CNTRL: variants seen among roughly 807,000 people sequenced by gnomAD.
CNTRL encodes centriolin, also known as 110 kDa centrosomal protein.
Under a neutral mutation model 303.7 loss-of-function variants are expected in CNTRL, and 233 were observed. The observed-to-expected ratio is 0.77, with a 90% CI of 0.69 to 0.86. The LOEUF (loss-of-function observed/expected upper bound fraction) is 0.86, where lower values mean the gene tolerates loss of function less well. Ranked by LOEUF, CNTRL falls within the 40% of genes least tolerant of loss-of-function variation. The pLI, the probability that CNTRL is intolerant of heterozygous loss-of-function variation, is 0.00. For missense variants in CNTRL, 2,524 were observed against 2,650.6 expected (o/e 0.95, Z 1.05); for synonymous variants, 900 against 922.2 (o/e 0.98, Z 0.44).
rs752947261 is a variant in CNTRL, at chr9:121,154,789, A to C, written c.4241A>C (p.His1414Pro). The change falls in exon 27 of 44, where the codon CAT becomes CCT. Residue 1414 changes from histidine to proline, a missense_variant. Physicochemically the swap from His to Pro is moderately conservative, Grantham distance 77. Transcript: ENST00000373855. ...GAAATAGAAAAATCACTCAAACATC[A>C]TGAAGATATTGTAGATGAAATTGAG... is the stretch of plus-strand genomic sequence containing the variant. ...ELEIEKSLKH[H>P]EDIVDEIECI... 1.2e-6 allele frequency: 2 copies of C among 1,612,052 alleles called. No homozygotes were observed. Among genetic ancestry groups the C allele is most frequent in the Non-Finnish European group, 1.7e-6 (2 of 1,178,080 alleles).
At chr9:121,149,345 T>C (rs546121635) in intron 24 of CNTRL, among the ~76,000 whole-genome samples, 28 of 152,306 alleles carry the variant, frequency 1.8e-4, no homozygotes, top group African/African-American at 6.0e-4. Flanking sequence ...AAACTGTTAA[T>C]CTGTAAAATG....
At chr9:121,133,258 A>C (rs111896309) in intron 14 of CNTRL, among the ~76,000 whole-genome samples, 8,892 of 152,310 alleles carry the variant, frequency 0.058, 590 homozygotes, top group East Asian at 0.19. Flanking sequence ...TGGAGTCTAC[A>C]TGTAGAGGCA....
rs942355055 is a variant in CNTRL at position 121,125,919 on chromosome 9, G to A, written c.2008G>A (p.Ala670Thr). The A allele has an allele frequency of 8.1e-6, 13 of 1,614,020 alleles. No homozygotes were observed. Among genetic ancestry groups the A allele is most frequent in the South Asian group, 1.1e-5 (1 of 91,078 alleles). ...CCAGCTGGAAATAGTTGCCATGGAT[G>A]CAGAAAATATGAGGAAGGTATGATT... Reference protein sequence around the residue: ...RDQLEIVAMDAENMRKELAEL... With the variant: ...RDQLEIVAMDTENMRKELAEL... The change falls in exon 14 of 44, where the codon GCA (alanine) becomes ACA (threonine). Residue 670 changes from alanine (A) to threonine (T), a missense_variant. Physicochemically the swap from Ala to Thr is moderately conservative, Grantham distance 58 (BLOSUM62 0). Coordinates refer to ENST00000373855, the MANE Select transcript of CNTRL (RefSeq NM_007018.6).
intron 7 of CNTRL, among the ~76,000 whole-genome samples, chr9:121,104,034 C>G (rs1314852310): frequency 6.6e-6 from 1 of 152,154 alleles, no homozygotes; most frequent in Admixed American, 6.5e-5. Context: ...GGTATATACC[C>G]AAAGGATTGT....
At chr9:121,122,916 C>T (rs1346263420) in intron 12 of CNTRL, among the ~76,000 whole-genome samples, 1 of 152,068 alleles carries the variant, frequency 6.6e-6, no homozygotes, top group Non-Finnish European at 1.5e-5. Context: ...TAGGGCCCTC[C>T]ATTTTGAGAC....
rs369770062 is a variant in CNTRL, at chr9:121,144,022, C to G, written c.2991C>G (p.Ala997=). 2.5e-6 allele frequency: 4 copies of G among 1,613,796 alleles called. No individual in the cohort carries two copies. In the African/African-American group the frequency reaches 5.3e-5, roughly 22 times the overall value. ...TAGCCACAGCTGAGCTCACCATTGC[C>G]AAAGACCAGCTGAAGTCCCTTCATG... is the stretch of plus-strand genomic sequence containing the variant. ...DKLATAELTI[A]KDQLKSLHGT... The change falls in exon 20 of 44, where the codon GCC becomes GCG. Residue 997 remains alanine (A), a synonymous_variant. Coordinates refer to ENST00000373855, the MANE Select transcript of CNTRL (RefSeq NM_007018.6).
intron 7 of CNTRL, among the ~76,000 whole-genome samples, chr9:121,102,120 T>A (rs1261814472): frequency 2.6e-5 from 4 of 152,078 alleles, no homozygotes; most frequent in Admixed American, 1.3e-4. Flanking sequence ...TAGACCAATA[T>A]CCCTGATGAA....
At chr9:121,090,653 C>T (rs2048527596) in intron 4 of CNTRL, among the ~76,000 whole-genome samples, 1 of 152,178 alleles carries the variant, frequency 6.6e-6, no homozygotes, top group Non-Finnish European at 1.5e-5. Context: ...ATCAGGCCAG[C>T]TATCTATTTT....
At chr9:121,093,083 A>G (rs1054674891) in intron 4 of CNTRL, among the ~76,000 whole-genome samples, 2 of 151,728 alleles carry the variant, frequency 1.3e-5, no homozygotes, top group African/African-American at 4.8e-5. Context: ...TTGGGATTAC[A>G]GGCATGAGCC....
At chr9:121,158,613 G>A (rs890375623) in intron 30 of CNTRL, 2 of 421,936 alleles carry the variant, frequency 4.7e-6, no homozygotes, top group Non-Finnish European at 8.4e-6. Context: ...GTAACCTGAG[G>A]GATGATCATG....
At chr9:121,112,620 A>G in intron 9 of CNTRL, 42 bp downstream of exon 9, 1 of 1,599,806 alleles carries the variant, frequency 6.3e-7, no homozygotes, top group Non-Finnish European at 8.5e-7. Context: ...GTTAAAGCCC[A>G]CATGGGATGG....
chr9:121,094,839 T>C, intron 4 of CNTRL, 49 bp from the exon 5 acceptor site: 4 of 1,379,256 alleles, frequency 2.9e-6, no homozygotes, highest in Middle Eastern at 2.2e-4. Context: ...TTGTACTTTA[T>C]GTCAAGTCAT....
chr9:121,110,101 G>A (rs903995187), intron 8 of CNTRL, among the ~76,000 whole-genome samples: 3 of 152,242 alleles, frequency 2.0e-5, no homozygotes, highest in African/African-American at 2.4e-5. Flanking sequence ...GCCAATTAAT[G>A]TATAAAAGAA....
At chr9:121,117,785 C>G (rs549298539) in intron 11 of CNTRL, among the ~76,000 whole-genome samples, 2 of 152,150 alleles carry the variant, frequency 1.3e-5, no homozygotes, top group African/African-American at 4.8e-5. Flanking sequence ...TGAGACCATC[C>G]TGGCTAACAT....
intron 8 of CNTRL, among the ~76,000 whole-genome samples, chr9:121,109,392 C>T (rs1045191233): frequency 2.6e-5 from 4 of 152,108 alleles, no homozygotes; most frequent in South Asian, 2.1e-4. Context: ...AAACAGCATA[C>T]GTGGACAACT....
In CNTRL at chr9:121,106,351, A is replaced by C. The variant is rs550258205; in HGVS notation, c.809-1451A>C. Among the ~76,000 whole-genome samples the C allele has an allele frequency of 1.4e-3, 218 of 152,152 alleles. 1 individual carries two copies. Among genetic ancestry groups the C allele is most frequent in the Admixed American group, 5.8e-3 (88 of 15,274 alleles). ...GAGACTCCGTCCAAAAAAAAAAAAA[A>C]AAAACCTAAAAGCAAAGTGGAGAAA... On this transcript the variant is annotated intron_variant, in intron 7 of 43. Coordinates refer to ENST00000373855, the MANE Select transcript of CNTRL (RefSeq NM_007018.6).
At position 121,157,496 on chromosome 9, in the gene CNTRL, T is replaced by G. The variant is rs745391852; in HGVS notation, c.4392T>G (p.Thr1464=). ...CAAAAAATGCTGTTGAAAAGTTCAC[T>G]GATGCCAAGAGAAGTTTATTGCAAA... ...EKTKNAVEKF[T]DAKRSLLQTE... The change falls in exon 28 of 44, where the codon ACT becomes ACG. Residue 1464 remains threonine (T), a synonymous_variant. Transcript: ENST00000373855. 15 of 1,613,944 alleles carry G rather than the reference T, an allele frequency of 9.3e-6. No individual in the cohort carries two copies. In the South Asian group the frequency reaches 1.5e-4, roughly 17 times the overall value.
In CNTRL at chr9:121,150,250, T is replaced by C. The variant is rs145241861; in HGVS notation, c.3730T>C (p.Tyr1244His). 37 of 1,614,174 alleles carry C rather than the reference T, an allele frequency of 2.3e-5. No individual in the cohort carries two copies. Among genetic ancestry groups the C allele is most frequent in the Non-Finnish European group, 3.0e-5 (35 of 1,180,010 alleles). ...EEPPFVPPPG[Y>H]MMYTVLPDGS... is the part of the protein sequence containing the mutation. ...ACCCCCATTTGTGCCTCCTCCTGGA[T>C]ACATGATGTATACTGTGCTTCCTGA... The change falls in exon 25 of 44, where the codon TAC (tyrosine) becomes CAC (histidine). Residue 1244 changes from tyrosine to histidine, a missense_variant. Physicochemically the swap from Tyr to His is moderately conservative, Grantham distance 83. Transcript: ENST00000373855.
chr9:121,161,233 A>G (rs2052838779), intron 32 of CNTRL: 1 of 428,262 alleles, frequency 2.3e-6, no homozygotes, highest in African/African-American at 2.0e-5. Flanking sequence ...TGGTGAAATA[A>G]TGGTGGGTTT....
Sources: allele counts gnomAD v4.1 joint callset (sites outside exome capture counted in the v4.1 genomes callset), GRCh38; gene constraint gnomAD v4.1.1; transcripts MANE v1.5; gene names NCBI Gene and HGNC (gene_info 2026-07-23, HGNC 2026-07-21).